HS6ST3: variants seen among roughly 807,000 people sequenced by gnomAD.
HS6ST3 encodes heparan-sulfate 6-O-sulfotransferase 3.
Under a neutral mutation model 36.7 loss-of-function variants are expected in HS6ST3, and 12 were observed. The observed-to-expected ratio is 0.33, with a 90% CI of 0.21 to 0.53. HS6ST3 has a LOEUF of 0.53. Ranked by LOEUF, HS6ST3 falls within the 20% of genes least tolerant of loss-of-function variation. The pLI is 0.95. For missense variants in HS6ST3, 584 were observed against 640.9 expected (o/e 0.91, Z 0.96); for synonymous variants, 240 against 257.5 (o/e 0.93, Z 0.65).
intron 1 of HS6ST3, among the ~76,000 whole-genome samples, chr13:96,548,012 T>A (rs2056204094): frequency 6.6e-6 from 1 of 152,072 alleles, no homozygotes; most frequent in Non-Finnish European, 1.5e-5. Context: ...GTTGCAAGAG[T>A]GTAATGTTTA....
At chr13:96,580,302 C>A (rs1250384490) in intron 1 of HS6ST3, among the ~76,000 whole-genome samples, 2 of 150,546 alleles carry the variant, frequency 1.3e-5, no homozygotes, top group African/African-American at 4.9e-5. Flanking sequence ...TAAAAGATTT[C>A]TGTATAACAT....
At chr13:96,623,671 TA>T (rs1348498254) in intron 1 of HS6ST3, among the ~76,000 whole-genome samples, 1 of 152,128 alleles carries the variant, frequency 6.6e-6, no homozygotes, top group Non-Finnish European at 1.5e-5. Context: ...ATTGGGAAAC[TA>T]AATGATTGGG....
chr13:96,687,719 T>C lies in HS6ST3; in HGVS notation c.708-144771T>C, dbSNP rs1351941784. Among the ~76,000 whole-genome samples, 4 of 151,936 alleles carry C rather than the reference T, an allele frequency of 2.6e-5. No individual in the cohort carries two copies. In the East Asian group the frequency reaches 5.8e-4, roughly 22 times the overall value. ...GTGGTTGGTGGCATTGGGAATATAG[T>C]AGTAAAAGATGAAGGGGATTGTTAA... On this transcript the variant is annotated intron_variant, in intron 1 of 1. Coordinates refer to ENST00000376705, the MANE Select transcript of HS6ST3 (RefSeq NM_153456.4).
chr13:96,771,153 T>C (rs1877252785), intron 1 of HS6ST3, among the ~76,000 whole-genome samples: 1 of 151,860 alleles, frequency 6.6e-6, no homozygotes, highest in African/African-American at 2.4e-5. Flanking sequence ...TATTTCTAGT[T>C]AGCAAACTAT....
intron 1 of HS6ST3, among the ~76,000 whole-genome samples, chr13:96,618,600 A>G (rs1282068547): frequency 1.3e-5 from 2 of 152,170 alleles, no homozygotes; most frequent in African/African-American, 4.8e-5. Flanking sequence ...TACTCTCTTA[A>G]CTTACGGAGG....
intron 1 of HS6ST3, among the ~76,000 whole-genome samples, chr13:96,832,215 C>A (rs140183184): frequency 1.3e-5 from 2 of 152,058 alleles, no homozygotes; most frequent in African/African-American, 4.8e-5. Flanking sequence ...AATTGCTGAA[C>A]GAATGAATGA....
intron 1 of HS6ST3, among the ~76,000 whole-genome samples, chr13:96,227,729 TTA>T (rs1180344988): frequency 1.3e-5 from 2 of 152,200 alleles, no homozygotes; most frequent in Non-Finnish European, 2.9e-5. Flanking sequence ...CAAAGCTCTT[TTA>T]TGTCTTCTTA....
chr13:96,670,262 G>A (rs1435996248), intron 1 of HS6ST3, among the ~76,000 whole-genome samples: 1 of 151,898 alleles, frequency 6.6e-6, no homozygotes, highest in Non-Finnish European at 1.5e-5. Flanking sequence ...GTGAGAGGAG[G>A]TTCTCACTGG....
At chr13:96,386,781 G>A (rs1220838759) in intron 1 of HS6ST3, among the ~76,000 whole-genome samples, 2 of 152,088 alleles carry the variant, frequency 1.3e-5, no homozygotes, top group Admixed American at 6.6e-5. Context: ...CAGGAGAATG[G>A]CTTGAACCCG....
At chr13:96,487,218 C>T (rs945621190) in intron 1 of HS6ST3, among the ~76,000 whole-genome samples, 24 of 151,618 alleles carry the variant, frequency 1.6e-4, no homozygotes, top group South Asian at 2.1e-4. Flanking sequence ...AAGGAAAATG[C>T]GATGATTATA....
intron 1 of HS6ST3, among the ~76,000 whole-genome samples, chr13:96,640,120 T>A (rs1200942219): frequency 6.6e-6 from 1 of 151,948 alleles, no homozygotes; most frequent in East Asian, 1.9e-4. Flanking sequence ...GTAGTTGTGT[T>A]TTAAGTTCTT....
chr13:96,408,370 A>G (rs2055489583), intron 1 of HS6ST3, among the ~76,000 whole-genome samples: 1 of 152,226 alleles, frequency 6.6e-6, no homozygotes, highest in Non-Finnish European at 1.5e-5. Context: ...AAAATGCATG[A>G]AAAATATTCT....
chr13:96,399,694 C>T (rs1362395636), intron 1 of HS6ST3, among the ~76,000 whole-genome samples: 1 of 152,234 alleles, frequency 6.6e-6, no homozygotes, highest in Non-Finnish European at 1.5e-5. Flanking sequence ...CTGGAGATGT[C>T]CAAGGGTCTC....
chr13:96,319,399 A>G (rs2054992552), intron 1 of HS6ST3, among the ~76,000 whole-genome samples: 1 of 152,178 alleles, frequency 6.6e-6, no homozygotes. Flanking sequence ...TCATCAGCTC[A>G]TGGACATTTG....
At chr13:96,174,283 G>T (rs2054202348) in intron 1 of HS6ST3, among the ~76,000 whole-genome samples, 1 of 152,006 alleles carries the variant, frequency 6.6e-6, no homozygotes, top group Admixed American at 6.6e-5. Flanking sequence ...TCTATATAAT[G>T]CGTTATATGT....
intron 1 of HS6ST3, among the ~76,000 whole-genome samples, chr13:96,745,299 C>CA (rs977192471): frequency 6.6e-6 from 1 of 152,018 alleles, no homozygotes; most frequent in Non-Finnish European, 1.5e-5. Flanking sequence ...ACCTATTTCC[C>CA]AAACTATGGA....
At chr13:96,177,774 G>A (rs1287463990) in intron 1 of HS6ST3, among the ~76,000 whole-genome samples, 1 of 36,584 alleles carries the variant, frequency 2.7e-5, no homozygotes, top group Admixed American at 2.3e-4. Context: ...TAAAATAAAA[G>A]TTAAAAATAA....
intron 1 of HS6ST3, among the ~76,000 whole-genome samples, chr13:96,271,630 C>A (rs750328363): frequency 6.6e-6 from 1 of 151,972 alleles, no homozygotes; most frequent in Admixed American, 6.6e-5. Flanking sequence ...GAAACTTACA[C>A]TACTTTGGAA....
In HS6ST3 at chr13:96,136,526, G is replaced by A. The variant is rs547205268; in HGVS notation, c.707+44957G>A. 2.0e-5 allele frequency among the ~76,000 whole-genome samples: 3 copies of A among 151,990 alleles called. No individual in the cohort carries two copies. The South Asian group carries it at 6.2e-4, about 32-fold the overall frequency. ...TATACAGTACCAAGGTTGGAGGGAT[G>A]GTGTTAAACCATTTATGAGAACTCC... On this transcript the variant is annotated intron_variant, in intron 1 of 1. Transcript: ENST00000376705.
Sources: gnomAD v4.1 joint callset for allele counts (sites outside exome capture counted in the v4.1 genomes callset) on GRCh38, gnomAD v4.1.1 for gene constraint, MANE v1.5 for transcripts, NCBI Gene and HGNC (gene_info 2026-07-23, HGNC 2026-07-21) for gene names.